The following CRACDL variants were observed in gnomAD, a reference collection of about 807,000 sequenced individuals.
The protein encoded by CRACDL is CRACD like.
A neutral mutation model predicts 70.6 loss-of-function variants in CRACDL; 26 were observed. That is an observed-to-expected ratio of 0.37 (90% CI 0.27 to 0.51). The LOEUF (loss-of-function observed/expected upper bound fraction) is 0.51. Among genes scored for constraint, CRACDL ranks in the 20% least tolerant of loss-of-function variants. The pLI, the probability that CRACDL is intolerant of heterozygous loss-of-function variation, is 0.94. For missense variants in CRACDL, 1,283 were observed against 1,376.9 expected, an observed-to-expected ratio of 0.93 and a Z score of 1.08; for synonymous variants, 618 against 615.2, an observed-to-expected ratio of 1.00 and a Z score of -0.07.
At chr2:98,806,094 T>C (rs1704279604) in intron 7 of CRACDL, among the ~76,000 whole-genome samples, 1 of 150,730 alleles carries the variant, frequency 6.6e-6, no homozygotes, top group Non-Finnish European at 1.5e-5. Context: ...TGGTAGTATA[T>C]CCATCATGGG....
chr2:98,832,496 T>G lies in CRACDL; in HGVS notation c.392A>C (p.Asn131Thr). Residue 131 changes from asparagine (N) to threonine (T), a missense_variant, in exon 5 of 10, where the codon AAT (asparagine) becomes ACT (threonine). Asn to Thr is a moderately conservative substitution (Grantham distance 65). Transcript: ENST00000397899. ...IKALQLKIQC[N>T]VKMGPPPPPG... ...AGGAGGTGGTGGCCCCATTTTCACA[T>G]TACACTGTATTTTTAACTAGATTGG... is the stretch of plus-strand genomic sequence containing the variant. The G allele has an allele frequency of 6.2e-7, 1 of 1,600,852 alleles. No homozygotes were observed. Among genetic ancestry groups the G allele is most frequent in the Non-Finnish European group, 8.5e-7 (1 of 1,173,568 alleles).
intron 1 of CRACDL, among the ~76,000 whole-genome samples, chr2:98,921,235 T>C (rs1216372216): frequency 6.6e-6 from 1 of 152,180 alleles, no homozygotes; most frequent in Non-Finnish European, 1.5e-5. Context: ...CTGCAAAGCT[T>C]GTTAAGCCCC....
chr2:98,860,684 A>G (rs929698023), intron 1 of CRACDL, among the ~76,000 whole-genome samples: 2 of 152,258 alleles, frequency 1.3e-5, no homozygotes, highest in Admixed American at 1.3e-4. Context: ...AGAGGAAAAC[A>G]GGAGTAAGCC....
intron 7 of CRACDL, among the ~76,000 whole-genome samples, chr2:98,807,571 T>G (rs528112877): frequency 6.6e-6 from 1 of 152,370 alleles, no homozygotes; most frequent in Non-Finnish European, 1.5e-5. Context: ...GAGCGTGGGC[T>G]GCAGTGAGTC....
intron 3 of CRACDL, among the ~76,000 whole-genome samples, chr2:98,833,397 C>T (rs951916620): frequency 2.0e-5 from 3 of 152,222 alleles, no homozygotes; most frequent in Non-Finnish European, 4.4e-5. Flanking sequence ...GCAGGCCCTC[C>T]GTGGGCTGAA....
intron 1 of CRACDL, among the ~76,000 whole-genome samples, chr2:98,896,151 G>A (rs1708118367): frequency 6.6e-6 from 1 of 152,080 alleles, no homozygotes; most frequent in African/African-American, 2.4e-5. Context: ...AGGCCAATTT[G>A]AGGACAGAAC....
chr2:98,797,986 C>A (rs1159294329), intron 7 of CRACDL, among the ~76,000 whole-genome samples: 2 of 152,106 alleles, frequency 1.3e-5, no homozygotes, highest in Non-Finnish European at 2.9e-5. Context: ...GACAGTGACA[C>A]CAAAAACTGG....
At chr2:98,920,386 A>G (rs1253525603) in intron 1 of CRACDL, among the ~76,000 whole-genome samples, 1 of 152,152 alleles carries the variant, frequency 6.6e-6, no homozygotes, top group Non-Finnish European at 1.5e-5. Flanking sequence ...TCGCATGTGT[A>G]GGCACTGTCT....
chr2:98,911,244 G>A (rs778515941), intron 1 of CRACDL, among the ~76,000 whole-genome samples: 2 of 152,206 alleles, frequency 1.3e-5, no homozygotes, highest in Non-Finnish European at 2.9e-5. Flanking sequence ...GGGCTCAAGC[G>A]AGACTGCTGG....
chr2:98,850,586 C>A (rs547525126), intron 1 of CRACDL, among the ~76,000 whole-genome samples: 4 of 152,340 alleles, frequency 2.6e-5, no homozygotes, highest in African/African-American at 7.2e-5. Flanking sequence ...GCCTTCCACC[C>A]TTCCACTCCT....
chr2:98,897,435 C>T, intron 1 of CRACDL: 1 of 1,296,784 alleles, frequency 7.7e-7, no homozygotes, highest in Non-Finnish European at 1.0e-6. Flanking sequence ...CTTATCTCAG[C>T]ATACCAGATT....
chr2:98,844,067 C>G (rs1706144612), intron 2 of CRACDL, among the ~76,000 whole-genome samples: 1 of 152,166 alleles, frequency 6.6e-6, no homozygotes, highest in Non-Finnish European at 1.5e-5. Flanking sequence ...TAAATTATTA[C>G]TTGTCAGTAT....
At chr2:98,893,871 C>T (rs1255213897) in intron 1 of CRACDL, among the ~76,000 whole-genome samples, 2 of 152,158 alleles carry the variant, frequency 1.3e-5, no homozygotes, top group East Asian at 1.9e-4. Context: ...TACTTATGAT[C>T]GCATCCACAC....
chr2:98,864,101 T>C (rs757255926), intron 1 of CRACDL, among the ~76,000 whole-genome samples: 1 of 152,160 alleles, frequency 6.6e-6, no homozygotes, highest in Non-Finnish European at 1.5e-5. Flanking sequence ...AAAAAACCTG[T>C]ACACCAATGT....
chr2:98,881,864 A>G (rs903884018), intron 1 of CRACDL, among the ~76,000 whole-genome samples: 1 of 152,212 alleles, frequency 6.6e-6, no homozygotes, highest in Non-Finnish European at 1.5e-5. Flanking sequence ...GCCTCTTCCA[A>G]CACAGGCTTA....
intron 1 of CRACDL, among the ~76,000 whole-genome samples, chr2:98,916,894 C>T (rs1221175426): frequency 1.3e-5 from 2 of 152,172 alleles, no homozygotes; most frequent in African/African-American, 4.8e-5. Context: ...GTATACTTCA[C>T]CCAAACCATC....
At chr2:98,861,833 C>G (rs1360810803) in intron 1 of CRACDL, among the ~76,000 whole-genome samples, 2 of 152,208 alleles carry the variant, frequency 1.3e-5, no homozygotes, top group Non-Finnish European at 2.9e-5. Context: ...CATCCCCCCA[C>G]TTCTCCATGC....
At position 98,823,671 on chromosome 2, in the gene CRACDL, A is replaced by G. The variant is rs1705193106; in HGVS notation, c.736-134T>C. 6 of 1,095,210 alleles carry G rather than the reference A, an allele frequency of 5.5e-6. No individual in the cohort carries two copies. The Admixed American group carries it at 1.4e-4, about 25-fold the overall frequency. The allele number at this position is 1,095,210 out of a possible 1,614,324, so 67.8% of individuals were successfully genotyped here. ...AAAGCTGGCACTTAAGTAGGCATGTACCCACGGGTGTCTTTTCTCAGTCTG... is the reference window on the plus strand; with the variant it reads ...AAAGCTGGCACTTAAGTAGGCATGTGCCCACGGGTGTCTTTTCTCAGTCTG... On this transcript the variant is annotated intron_variant, in intron 6 of 9. Transcript: ENST00000397899. The surrounding 1 kb of genome is among the most constrained non-coding windows in gnomAD (Gnocchi z 4.0).
intron 1 of CRACDL, among the ~76,000 whole-genome samples, chr2:98,933,004 G>T (rs1709118511): frequency 2.0e-5 from 3 of 152,198 alleles, no homozygotes; most frequent in Admixed American, 2.0e-4. Context: ...CTTCCTGTGG[G>T]AACTCAGGGA....
Sources: gnomAD v4.1 joint callset for allele counts (sites outside exome capture counted in the v4.1 genomes callset) on GRCh38, gnomAD v4.1.1 for gene constraint, Gnocchi (gnomAD v3.1) non-coding constraint, MANE v1.5 for transcripts, NCBI Gene and HGNC (gene_info 2026-07-23, HGNC 2026-07-21) for gene names.